The following AK5 variants were observed in gnomAD, a reference collection of about 807,000 sequenced individuals.
The protein encoded by AK5 is adenylate kinase 5.
A neutral mutation model predicts 69.5 loss-of-function variants in AK5; 27 were observed. The observed-to-expected ratio is 0.39, with a 90% CI of 0.29 to 0.54. The LOEUF (loss-of-function observed/expected upper bound fraction) is 0.54. Among genes scored for constraint, AK5 ranks in the 20% least tolerant of loss-of-function variants. The probability of loss-of-function intolerance (pLI) is 0.71; values close to 1 mark genes in which losing one functional copy is unlikely to be tolerated. For missense variants in AK5, 531 were observed against 700.4 expected (o/e 0.76, Z 2.73); for synonymous variants, 260 against 244.4 (o/e 1.06, Z -0.60).
At chr1:77,542,875 A>T (rs1162123146) in intron 13 of AK5, among the ~76,000 whole-genome samples, 1 of 152,134 alleles carries the variant, frequency 6.6e-6, no homozygotes, top group Non-Finnish European at 1.5e-5. Flanking sequence ...GTAACAGATT[A>T]TTTCTGTCCC....
intron 8 of AK5, among the ~76,000 whole-genome samples, chr1:77,479,483 G>T (rs1366225600): frequency 1.3e-5 from 2 of 152,156 alleles, no homozygotes; most frequent in African/African-American, 2.4e-5. Flanking sequence ...TGGGATTACA[G>T]GCGTGAGCCA....
chr1:77,392,576 C>T (rs1021171879), intron 6 of AK5, among the ~76,000 whole-genome samples: 14 of 152,066 alleles, frequency 9.2e-5, no homozygotes, highest in South Asian at 2.1e-4. Context: ...GTTTCTCTTC[C>T]GTGTGTGCCC....
intron 6 of AK5, among the ~76,000 whole-genome samples, chr1:77,392,839 C>T (rs1325033588): frequency 1.3e-5 from 2 of 152,032 alleles, no homozygotes; most frequent in Non-Finnish European, 2.9e-5. Flanking sequence ...TGTAGTTTCT[C>T]ATTCCAAATT....
At chr1:77,455,272 T>C (rs950100439) in intron 8 of AK5, among the ~76,000 whole-genome samples, 1 of 152,136 alleles carries the variant, frequency 6.6e-6, no homozygotes, top group Non-Finnish European at 1.5e-5. Flanking sequence ...TAATCACCAA[T>C]ATGACCGTGT....
At chr1:77,403,445 C>A (rs1248346945) in intron 6 of AK5, among the ~76,000 whole-genome samples, 3 of 152,166 alleles carry the variant, frequency 2.0e-5, no homozygotes, top group South Asian at 4.2e-4. Context: ...ACATTTAAGT[C>A]TTTAATCCAT....
At chr1:77,301,152 C>T (rs566464786) in intron 5 of AK5, among the ~76,000 whole-genome samples, 65 of 152,282 alleles carry the variant, frequency 4.3e-4, no homozygotes, top group African/African-American at 1.6e-3. Flanking sequence ...GAATAGTCTC[C>T]ATATGAACAG....
chr1:77,498,287 C>T (rs991703380), intron 10 of AK5, among the ~76,000 whole-genome samples: 14 of 152,094 alleles, frequency 9.2e-5, no homozygotes, highest in African/African-American at 3.4e-4. Context: ...AGGGGTAAAG[C>T]CAGACGGTTA....
intron 10 of AK5, among the ~76,000 whole-genome samples, chr1:77,486,601 G>A (rs1342782910): frequency 2.0e-5 from 3 of 151,970 alleles, no homozygotes; most frequent in Non-Finnish European, 2.9e-5. Flanking sequence ...GGGAGGCTGA[G>A]GCAGGAGAAT....
At chr1:77,431,732 T>G (rs939287167) in intron 8 of AK5, among the ~76,000 whole-genome samples, 20 of 152,056 alleles carry the variant, frequency 1.3e-4, no homozygotes, top group African/African-American at 4.6e-4. Flanking sequence ...TAACAGAAAA[T>G]GATATTTATT....
chr1:77,310,694 A>G (rs1659900840), intron 5 of AK5, among the ~76,000 whole-genome samples: 1 of 152,046 alleles, frequency 6.6e-6, no homozygotes, highest in Admixed American at 6.5e-5. Context: ...TTCTTTTTTA[A>G]GTTAGGTATG....
At chr1:77,376,016 G>C (rs907285228) in intron 6 of AK5, among the ~76,000 whole-genome samples, 2 of 152,210 alleles carry the variant, frequency 1.3e-5, no homozygotes, top group South Asian at 2.1e-4. Context: ...CTCGTTATTA[G>C]AGATTGGTGT....
At chr1:77,405,405 G>A (rs960696977) in intron 6 of AK5, among the ~76,000 whole-genome samples, 8 of 152,220 alleles carry the variant, frequency 5.3e-5, no homozygotes, top group Admixed American at 1.3e-4. Context: ...CCTTGGCCTC[G>A]GTTGCTTCTT....
At chr1:77,516,260 A>C (rs1467600459) in intron 10 of AK5, among the ~76,000 whole-genome samples, 2 of 152,210 alleles carry the variant, frequency 1.3e-5, no homozygotes, top group East Asian at 3.8e-4. Flanking sequence ...GGAATCATAA[A>C]AAGTCAAATT....
At position 77,405,418 on chromosome 1, in the gene AK5, A is replaced by C. The variant is rs1314118310; in HGVS notation, c.892-5563A>C. ...CCCCTTGGCCTCGGTTGCTTCTTGA[A>C]TGGAGAGCTCTGTCTGCTACTGCCC... On this transcript the variant is annotated intron_variant, in intron 6 of 13. Coordinates refer to ENST00000354567, the MANE Select transcript of AK5 (RefSeq NM_174858.3). 3.3e-5 allele frequency among the ~76,000 whole-genome samples: 5 copies of C among 152,304 alleles called. No individual in the cohort carries two copies. The East Asian group carries it at 9.7e-4, about 29-fold the overall frequency.
intron 10 of AK5, among the ~76,000 whole-genome samples, chr1:77,511,621 A>G (rs892348290): frequency 6.6e-6 from 1 of 152,262 alleles, no homozygotes; most frequent in African/African-American, 2.4e-5. Flanking sequence ...ATATTTGCCA[A>G]GAAGCATTAA....
At chr1:77,501,944 G>T (rs1656744659) in intron 10 of AK5, among the ~76,000 whole-genome samples, 1 of 152,196 alleles carries the variant, frequency 6.6e-6, no homozygotes, top group South Asian at 2.1e-4. Flanking sequence ...AGAGAGGTTA[G>T]TCTAGCTTAA....
At chr1:77,536,552 A>C (rs1167139504) in intron 13 of AK5, among the ~76,000 whole-genome samples, 1 of 152,184 alleles carries the variant, frequency 6.6e-6, no homozygotes. Context: ...ATAGACCATA[A>C]AAAGGTGGTC....
chr1:77,297,478 T>C, intron 3 of AK5, 81 bp from the exon 4 acceptor site: 2 of 1,330,716 alleles, frequency 1.5e-6, no homozygotes, highest in South Asian at 1.5e-5. Flanking sequence ...AGAATTTGCA[T>C]CCCAGATGAA....
intron 8 of AK5, among the ~76,000 whole-genome samples, chr1:77,468,858 C>T (rs1448829197): frequency 6.6e-6 from 1 of 152,164 alleles, no homozygotes; most frequent in African/African-American, 2.4e-5. Context: ...CAAACAGGAG[C>T]TATAAAGGCT....
Sources: allele counts gnomAD v4.1 joint callset (sites outside exome capture counted in the v4.1 genomes callset), GRCh38; gene constraint gnomAD v4.1.1; transcripts MANE v1.5; gene names NCBI Gene and HGNC (gene_info 2026-07-23, HGNC 2026-07-21).